DLGAP3: variants seen among roughly 807,000 people sequenced by gnomAD.
The protein encoded by DLGAP3 is disks large-associated protein 3.
Under a neutral mutation model 81.2 loss-of-function variants are expected in DLGAP3, and 17 were observed. The ratio of observed to expected loss-of-function variants is 0.21; its 90% CI spans 0.14 to 0.31. The LOEUF (loss-of-function observed/expected upper bound fraction) is 0.31, where lower values mean the gene tolerates loss of function less well. Ranked by LOEUF, DLGAP3 falls within the 10% of genes least tolerant of loss-of-function variation. The probability of loss-of-function intolerance (pLI) is 1.00; values close to 1 mark genes in which losing one functional copy is unlikely to be tolerated. For missense variants in DLGAP3, 1,124 were observed against 1,388.0 expected, an observed-to-expected ratio of 0.81 and a Z score of 3.02; for synonymous variants, 577 against 587.4, an observed-to-expected ratio of 0.98 and a Z score of 0.26.
chr1:34,908,287 A>G (rs6425924), intron 1 of DLGAP3, among the ~76,000 whole-genome samples: 143,382 of 152,258 alleles, frequency 0.94, 67,523 homozygotes, highest in East Asian at 1. Context: ...GTCAGATGAG[A>G]ATGGGACAAG....
intron 11 of DLGAP3, 99 bp downstream of exon 11, chr1:34,866,949 T>A (rs1282752498): frequency 1.4e-6 from 2 of 1,396,370 alleles, no homozygotes; most frequent in Non-Finnish European, 2.0e-6. Flanking sequence ...TGCCCATGGA[T>A]CCCTTCCCCT....
At chr1:34,886,943 CTTTTTTTTTTTTTTTTT>C (rs949966445) in intron 5 of DLGAP3, among the ~76,000 whole-genome samples, 2 of 64,310 alleles carry the variant, frequency 3.1e-5, no homozygotes, top group African/African-American at 1.2e-4. Flanking sequence ...CCCCCACCTT[CTTTTTTTTTTTTTTTTT>C]TTTTTTTTTT....
rs1394442671 is a variant in DLGAP3 at position 34,929,457 on chromosome 1, C to A, written c.-141G>T. The A allele has an allele frequency of 6.7e-6, 1 of 148,202 alleles. No homozygotes were observed. The highest frequency in any genetic ancestry group is 1.5e-5 in the Non-Finnish European group (1 of 66,406). 9.2% of individuals were successfully genotyped at this position (148,202 alleles called of 1,614,324 possible). On this transcript the variant is annotated 5_prime_UTR_variant, in exon 1 of 12. Transcript: ENST00000373347. The surrounding 1 kb of genome is among the most constrained non-coding windows in gnomAD (Gnocchi z 6.5). The stretch of plus-strand genomic sequence containing the variant: ...ACTCCTCCCCGCGGCTTACCTGGCC[C>A]GGCTCGGGCTCCGGCCGGGTTACAT...
At chr1:34,915,764 C>G (rs1183827227) in intron 1 of DLGAP3, among the ~76,000 whole-genome samples, 2 of 152,180 alleles carry the variant, frequency 1.3e-5, no homozygotes, top group Non-Finnish European at 2.9e-5. Context: ...TACCTCTGCT[C>G]TCTCTGGGTT....
chr1:34,916,451 T>A (rs781290715), intron 1 of DLGAP3, among the ~76,000 whole-genome samples: 2 of 152,212 alleles, frequency 1.3e-5, no homozygotes, highest in Non-Finnish European at 2.9e-5. Context: ...GCGCTTTAGA[T>A]GTTTTTCTTC....
rs774185272 is a variant in DLGAP3 at position 34,868,577 on chromosome 1, G to C, written c.2485+28C>G. 1 of 1,593,016 alleles carries C rather than the reference G, an allele frequency of 6.3e-7. No individual in the cohort carries two copies. Among genetic ancestry groups the C allele is most frequent in the African/African-American group, 1.3e-5 (1 of 74,610 alleles). On this transcript the variant is annotated intron_variant, in intron 9 of 11. Transcript: ENST00000373347. The surrounding 1 kb of genome is among the most constrained non-coding windows in gnomAD (Gnocchi z 7.5). The stretch of plus-strand genomic sequence containing the variant: ...CACACACGAGGCCATGGTCCCCAGA[G>C]TCCCCTTGTTCCGATGCCGTGACTC...
At chr1:34,885,130 G>C (rs1355035082) in intron 7 of DLGAP3, 67 bp from the exon 8 acceptor site, 2 of 1,412,862 alleles carry the variant, frequency 1.4e-6, no homozygotes, top group South Asian at 2.3e-5. Flanking sequence ...CGGGGAGAAC[G>C]GCTAGCAATG....
At chr1:34,885,350 G>A in intron 7 of DLGAP3, 128 bp downstream of exon 7, 1 of 1,065,590 alleles carries the variant, frequency 9.4e-7, no homozygotes, top group Non-Finnish European at 1.4e-6. Context: ...GTCCAGGCAC[G>A]GGGTTCACTT....
chr1:34,912,377 T>C (rs539588226), intron 1 of DLGAP3, among the ~76,000 whole-genome samples: 1 of 152,300 alleles, frequency 6.6e-6, no homozygotes, highest in South Asian at 2.1e-4. Context: ...AAGACCAGTA[T>C]CTCAGCATTT....
At chr1:34,910,556 G>A (rs529853851) in intron 1 of DLGAP3, among the ~76,000 whole-genome samples, 5 of 152,194 alleles carry the variant, frequency 3.3e-5, no homozygotes, top group Middle Eastern at 3.4e-3. Context: ...CTTTCTCTGC[G>A]GCAGCCAGGA....
At chr1:34,925,892 T>C (rs979406817) in intron 1 of DLGAP3, among the ~76,000 whole-genome samples, 3 of 152,242 alleles carry the variant, frequency 2.0e-5, no homozygotes, top group African/African-American at 7.2e-5. Context: ...CAGAAAAAGA[T>C]CAGATCCCCA....
At chr1:34,894,017 ATC>A (rs1189764204) in intron 5 of DLGAP3, among the ~76,000 whole-genome samples, 2 of 152,054 alleles carry the variant, frequency 1.3e-5, no homozygotes, top group African/African-American at 4.8e-5. Context: ...GTGAAGCCCC[ATC>A]TCTACAAGAA....
At chr1:34,917,191 A>G (rs1250474919) in intron 1 of DLGAP3, among the ~76,000 whole-genome samples, 1 of 152,158 alleles carries the variant, frequency 6.6e-6, no homozygotes, top group African/African-American at 2.4e-5. Flanking sequence ...GCCAGAGGCA[A>G]ATTACACAGC....
At position 34,904,580 on chromosome 1, in the gene DLGAP3, G is replaced by C; in HGVS notation, c.804C>G (p.Asp268Glu). ...TGWWSSDDNL[D>E]SDSGFLAGGR... is the part of the protein sequence containing the mutation. ...CACCCGCCAGGAAGCCGCTATCACTGTCCAAGTTGTCATCGGAACTCCACC... is the reference window on the plus strand; with the variant it reads ...CACCCGCCAGGAAGCCGCTATCACTCTCCAAGTTGTCATCGGAACTCCACC... The change falls in exon 3 of 12, where the codon GAC (aspartate) becomes GAG (glutamate). Residue 268 changes from aspartate to glutamate, a missense_variant. This residue lies in a region of DLGAP3 where 357 missense variants were observed against 408.8 expected (regional missense o/e 0.87). Transcript: ENST00000373347. The surrounding 1 kb of genome is among the most constrained non-coding windows in gnomAD (Gnocchi z 8.1). The C allele has an allele frequency of 6.2e-7, 1 of 1,614,216 alleles. No individual in the cohort carries two copies. Among genetic ancestry groups the C allele is most frequent in the Middle Eastern group, 1.6e-4 (1 of 6,062 alleles).
chr1:34,929,349 C>A lies in DLGAP3; in HGVS notation c.-135+102G>T, dbSNP rs1336928513. The stretch of plus-strand genomic sequence containing the variant: ...GGGCCGGGAGCCGAGCGCCGGAGCC[C>A]GGGGCGTGGGCGGCGCCGGGGCCGC... On this transcript the variant is annotated intron_variant, in intron 1 of 11. Transcript: ENST00000373347. This position sits in a 1 kb window ranked among gnomAD's most constrained non-coding sequence, Gnocchi z 6.5. The A allele has an allele frequency of 6.7e-6, 1 of 148,928 alleles. No individual in the cohort carries two copies. 9.2% of individuals were successfully genotyped at this position (148,928 alleles called of 1,614,324 possible).
chr1:34,920,430 A>G (rs1483388322), intron 1 of DLGAP3, among the ~76,000 whole-genome samples: 1 of 152,214 alleles, frequency 6.6e-6, no homozygotes, highest in Non-Finnish European at 1.5e-5. Context: ...TGAGGTGTTC[A>G]TGACATACAT....
Position 34,868,774 on chromosome 1 carries a change from G to T in DLGAP3, c.2316C>A (p.Asp772Glu), listed in dbSNP as rs763155158. Residue 772 changes from aspartate to glutamate, a missense_variant, in exon 9 of 12, where the codon GAC becomes GAA. This residue lies in a region of DLGAP3 where 379 missense variants were observed against 455.7 expected (regional missense o/e 0.83). Coordinates refer to ENST00000373347, the MANE Select transcript of DLGAP3 (RefSeq NM_001080418.3). The surrounding 1 kb of genome is among the most constrained non-coding windows in gnomAD (Gnocchi z 7.5). Reference protein sequence around the residue: ...PTPGPGAGRRDSWIERGSRSL... With the variant: ...PTPGPGAGRRESWIERGSRSL... Reference sequence around the variant, plus strand: ...TACGTGAACCGCGCTCTATCCAGGAGTCACGGCGGCCGGCCCCAGGGCCGG... The same window carrying T: ...TACGTGAACCGCGCTCTATCCAGGATTCACGGCGGCCGGCCCCAGGGCCGG... 1.3e-6 allele frequency: 2 copies of T among 1,596,386 alleles called. No homozygotes were observed. Among genetic ancestry groups the T allele is most frequent in the Admixed American group, 3.4e-5 (2 of 59,594 alleles).
At position 34,905,339 on chromosome 1, in the gene DLGAP3, G is replaced by T. The variant is rs567717742; in HGVS notation, c.45C>A (p.Ala15=). ...HGDRGSHPRP[A]RFADQQHMDV... The stretch of plus-strand genomic sequence containing the variant: ...CCATATGCTGTTGGTCAGCAAAGCG[G>T]GCTGGGCGGGGATGGCTGCCTCGGT... Residue 15 remains alanine (A), a synonymous_variant, in exon 3 of 12, where the codon GCC becomes GCA. Transcript: ENST00000373347. 1 of 1,558,436 alleles carries T rather than the reference G, an allele frequency of 6.4e-7. No homozygotes were observed. Among genetic ancestry groups the T allele is most frequent in the Non-Finnish European group, 8.7e-7 (1 of 1,150,948 alleles).
chr1:34,900,045 C>T lies in DLGAP3; in HGVS notation c.1313+23G>A, dbSNP rs752728198. ...CAGCATCAGCCTCCTGACCCCGCAC[C>T]CCCCGGCCCTCCCTGTCCTTACTTG... On this transcript the variant is annotated intron_variant, in intron 4 of 11. Transcript: ENST00000373347. This position sits in a 1 kb window ranked among gnomAD's most constrained non-coding sequence, Gnocchi z 5.6. 3.1e-6 allele frequency: 5 copies of T among 1,605,232 alleles called. No homozygotes were observed. The highest frequency in any genetic ancestry group is 4.3e-6 in the Non-Finnish European group (5 of 1,175,350).
Sources: allele counts gnomAD v4.1 joint callset (sites outside exome capture counted in the v4.1 genomes callset), GRCh38; gene constraint gnomAD v4.1.1; regional missense constraint gnomAD v4.1.1; non-coding constraint Gnocchi (gnomAD v3.1); transcripts MANE v1.5; gene names NCBI Gene and HGNC (gene_info 2026-07-23, HGNC 2026-07-21).